Variants in SCP2 observed in about 807,000 individuals in gnomAD.
SCP2 encodes the protein SCP-2/3-oxoacyl-CoA thiolase.
Under a neutral mutation model 71.4 loss-of-function variants are expected in SCP2, and 48 were observed. The observed-to-expected ratio is 0.67, with a 90% CI of 0.53 to 0.86. The LOEUF is 0.86. Ranked by LOEUF, SCP2 falls within the 40% of genes least tolerant of loss-of-function variation. The probability of loss-of-function intolerance (pLI) is 0.00; values close to 1 mark genes in which losing one functional copy is unlikely to be tolerated. For missense variants in SCP2, 560 were observed against 655.6 expected, an observed-to-expected ratio of 0.85 and a Z score of 1.59; for synonymous variants, 220 against 218.1, an observed-to-expected ratio of 1.01 and a Z score of -0.08.
chr1:52,983,414 A>G (rs1572137380), intron 10 of SCP2, among the ~76,000 whole-genome samples: 2 of 152,118 alleles, frequency 1.3e-5, no homozygotes, highest in African/African-American at 4.8e-5. Flanking sequence ...GTTCTGTCCC[A>G]ATTTTTTCCT....
At chr1:53,005,113 CAA>C (rs1660549293) in intron 11 of SCP2, among the ~76,000 whole-genome samples, 1 of 152,158 alleles carries the variant, frequency 6.6e-6, no homozygotes, top group East Asian at 1.9e-4. Context: ...AGTAGGTAAA[CAA>C]AGTGGCTGGG....
At chr1:53,008,960 A>G (rs947103620) in intron 11 of SCP2, among the ~76,000 whole-genome samples, 7 of 152,222 alleles carry the variant, frequency 4.6e-5, no homozygotes, top group African/African-American at 1.4e-4. Context: ...ATGTGCAAAA[A>G]TCACAAGCAT....
chr1:52,979,976 T>C (rs1208738372), intron 9 of SCP2, among the ~76,000 whole-genome samples: 1 of 151,786 alleles, frequency 6.6e-6, no homozygotes, highest in Non-Finnish European at 1.5e-5. Context: ...TTCTCTTCTT[T>C]TTTTGTTTCT....
chr1:52,961,439 T>C, intron 5 of SCP2, 64 bp from the exon 6 acceptor site: 1 of 1,521,034 alleles, frequency 6.6e-7, no homozygotes, highest in Non-Finnish European at 9.1e-7. Flanking sequence ...AATAGCACTG[T>C]AGTAGTTTTG....
intron 11 of SCP2, among the ~76,000 whole-genome samples, chr1:52,989,474 C>G (rs1659280986): frequency 6.6e-6 from 1 of 152,224 alleles, no homozygotes; most frequent in Non-Finnish European, 1.5e-5. Context: ...TGCAGCTCCA[C>G]TGTAGCCTTG....
intron 13 of SCP2, among the ~76,000 whole-genome samples, chr1:53,030,446 A>G (rs1662454590): frequency 6.6e-6 from 1 of 152,206 alleles, no homozygotes; most frequent in Non-Finnish European, 1.5e-5. Context: ...GAAAGAGAGT[A>G]CTAACTTACA....
intron 6 of SCP2, chr1:52,963,761 T>G (rs2150146626): frequency 6.6e-6 from 1 of 152,322 alleles, no homozygotes; most frequent in East Asian, 1.9e-4. Flanking sequence ...ACCTGAAGCT[T>G]GGAGAATTTG....
chr1:52,966,421 A>G (rs2150150542), intron 6 of SCP2, among the ~76,000 whole-genome samples: 1 of 152,140 alleles, frequency 6.6e-6, no homozygotes, highest in East Asian at 1.9e-4. Context: ...CTAACAGTAA[A>G]CCAAGTTTGC....
intron 11 of SCP2, chr1:52,993,151 G>A: frequency 6.3e-7 from 1 of 1,585,572 alleles, no homozygotes; most frequent in Non-Finnish European, 8.7e-7. Flanking sequence ...AGGAAGAGAA[G>A]ATGAGGGCTT....
At chr1:53,025,189 C>T (rs1247487673) in intron 12 of SCP2, among the ~76,000 whole-genome samples, 1 of 152,014 alleles carries the variant, frequency 6.6e-6, no homozygotes, top group African/African-American at 2.4e-5. Flanking sequence ...GACAGTTTGC[C>T]CCTCCCTCCT....
intron 11 of SCP2, among the ~76,000 whole-genome samples, chr1:53,013,421 TA>T (rs776237493): frequency 0.028 from 3,303 of 117,170 alleles, 215 homozygotes; most frequent in African/African-American, 0.1. Context: ...CCGTCTCTAC[TA>T]AAAAAAAAAA....
intron 11 of SCP2, chr1:52,994,281 C>CA: frequency 1.0e-6 from 1 of 998,174 alleles, no homozygotes; most frequent in Non-Finnish European, 1.2e-6. Context: ...TGACTTAAAT[C>CA]CTCCTTTCAG....
chr1:52,935,079 A>C (rs1653586424), intron 1 of SCP2: 2 of 151,062 alleles, frequency 1.3e-5, no homozygotes. Flanking sequence ...AGCCTGGCTA[A>C]CGTGGTGAAA....
Position 53,051,560 on chromosome 1 carries a change from T to C in SCP2, c.*856T>C, listed in dbSNP as rs1664196559. Reference sequence around the variant, plus strand: ...AAATTCAGTGAGATATAGGATAAAATAATGCTTTGAGAAGAATGTTTAATA... The same window carrying C: ...AAATTCAGTGAGATATAGGATAAAACAATGCTTTGAGAAGAATGTTTAATA... On this transcript the variant is annotated 3_prime_UTR_variant, in exon 16 of 16. Coordinates refer to ENST00000371514, the MANE Select transcript of SCP2 (RefSeq NM_002979.5). 6.6e-6 allele frequency: 1 copy of C among 152,212 alleles called. No homozygotes were observed. The highest frequency in any genetic ancestry group is 1.5e-5 in the Non-Finnish European group (1 of 68,038). 9.4% of individuals were successfully genotyped at this position (152,212 alleles called of 1,614,324 possible).
intron 8 of SCP2, among the ~76,000 whole-genome samples, chr1:52,977,453 T>C (rs1390000029): frequency 6.6e-6 from 1 of 152,124 alleles, no homozygotes; most frequent in Non-Finnish European, 1.5e-5. Context: ...ATCTCGAGAG[T>C]CTTAACTAAA....
intron 14 of SCP2, among the ~76,000 whole-genome samples, chr1:53,041,887 G>T (rs1333078986): frequency 6.6e-6 from 1 of 152,190 alleles, no homozygotes; most frequent in Non-Finnish European, 1.5e-5. Flanking sequence ...CTCTGCAAGG[G>T]TAGTTAAATA....
At chr1:53,036,239 T>C (rs1247191475) in intron 13 of SCP2, among the ~76,000 whole-genome samples, 1 of 149,746 alleles carries the variant, frequency 6.7e-6, no homozygotes, top group African/African-American at 2.4e-5. Flanking sequence ...TATGATCCCA[T>C]TTAAGATATA....
intron 13 of SCP2, among the ~76,000 whole-genome samples, chr1:53,030,259 GA>G (rs1482375000): frequency 6.6e-6 from 1 of 152,144 alleles, no homozygotes; most frequent in Non-Finnish European, 1.5e-5. Context: ...TTCCTGTGAT[GA>G]ATATCAGGTT....
intron 13 of SCP2, among the ~76,000 whole-genome samples, chr1:53,037,566 A>C (rs977420483): frequency 4.6e-5 from 7 of 152,120 alleles, no homozygotes; most frequent in African/African-American, 1.4e-4. Flanking sequence ...TTGCAGAGAT[A>C]TAGGTCTGAG....
Sources: allele counts gnomAD v4.1 joint callset (sites outside exome capture counted in the v4.1 genomes callset), GRCh38; gene constraint gnomAD v4.1.1; transcripts MANE v1.5; gene names NCBI Gene and HGNC (gene_info 2026-07-23, HGNC 2026-07-21).